Variants in VPS41 observed in about 807,000 individuals in gnomAD.
VPS41 encodes VPS41 subunit of HOPS complex.
Under a neutral mutation model 130.9 loss-of-function variants are expected in VPS41, and 85 were observed. That is an observed-to-expected ratio of 0.65 (90% CI 0.55 to 0.78). The LOEUF (loss-of-function observed/expected upper bound fraction) is 0.78. Ranked by LOEUF, VPS41 falls within the 30% of genes least tolerant of loss-of-function variation. The pLI, the probability that VPS41 is intolerant of heterozygous loss-of-function variation, is 0.00. For synonymous variants in VPS41, 335 were observed against 332.9 expected, an observed-to-expected ratio of 1.01 and a Z score of -0.07; for missense variants, 874 against 1,018.7, an observed-to-expected ratio of 0.86 and a Z score of 1.93.
chr7:38,842,251 T>G (rs1487522389), intron 4 of VPS41, among the ~76,000 whole-genome samples: 1 of 152,136 alleles, frequency 6.6e-6, no homozygotes, highest in Non-Finnish European at 1.5e-5. Context: ...CTTTTCCCAC[T>G]GCTGTAGCAA....
At chr7:38,872,846 T>C (rs1786400991) in intron 2 of VPS41, among the ~76,000 whole-genome samples, 1 of 152,204 alleles carries the variant, frequency 6.6e-6, no homozygotes, top group Non-Finnish European at 1.5e-5. Flanking sequence ...ACAAAGTTAA[T>C]ATTAAATGTA....
At chr7:38,835,562 G>A (rs1022515805) in intron 4 of VPS41, among the ~76,000 whole-genome samples, 5 of 151,606 alleles carry the variant, frequency 3.3e-5, no homozygotes, top group Admixed American at 6.6e-5. Context: ...CTGAGAATGT[G>A]GTTTGTATAA....
intron 25 of VPS41, among the ~76,000 whole-genome samples, chr7:38,729,553 T>G (rs933112287): frequency 1.3e-5 from 2 of 152,216 alleles, no homozygotes; most frequent in Non-Finnish European, 2.9e-5. Flanking sequence ...GCATTATAGC[T>G]TTTGTTTCTT....
chr7:38,859,656 CA>C (rs1348345614), intron 4 of VPS41, among the ~76,000 whole-genome samples: 5 of 152,252 alleles, frequency 3.3e-5, no homozygotes, highest in African/African-American at 1.2e-4. Context: ...TAGGCTGTAC[CA>C]CCTAGGTCTG....
At chr7:38,900,210 T>C (rs1584454139) in intron 1 of VPS41, among the ~76,000 whole-genome samples, 2 of 152,340 alleles carry the variant, frequency 1.3e-5, no homozygotes, top group African/African-American at 2.4e-5. Flanking sequence ...TGAGCTGTGA[T>C]TGCGTCACTG....
At chr7:38,886,071 C>A (rs974235975) in intron 2 of VPS41, among the ~76,000 whole-genome samples, 24 of 152,040 alleles carry the variant, frequency 1.6e-4, no homozygotes, top group African/African-American at 5.6e-4. Flanking sequence ...CGGTCTACAG[C>A]TCCCAGCGAG....
In VPS41 at chr7:38,758,390, C is replaced by G. The variant is rs1783847092; in HGVS notation, c.1514G>C (p.Ser505Thr). ...GGTTTTAAGTAAAGTCTTGTTCTGA[C>G]TATCTTTCTTCAAATGATCCCGAAC... ...QAVRDHLKKDSQNKTLLKTLA... is the reference protein window; with the variant it reads ...QAVRDHLKKDTQNKTLLKTLA... The change falls in exon 18 of 29, where the codon AGT becomes ACT. Residue 505 changes from serine (S) to threonine (T), a missense_variant. Coordinates refer to ENST00000310301, the MANE Select transcript of VPS41 (RefSeq NM_014396.4). The G allele has an allele frequency of 6.2e-7, 1 of 1,613,400 alleles. No homozygotes were observed. The highest frequency in any genetic ancestry group is 8.5e-7 in the Non-Finnish European group (1 of 1,179,674).
In VPS41 at chr7:38,822,180, C is replaced by G. The variant is rs959500391; in HGVS notation, c.322-915G>C. On this transcript the variant is annotated intron_variant, in intron 5 of 28. Transcript: ENST00000310301. ...TTCTGAGTGCTTTACTTAACAACAA[C>G]AAAACAAAAACAAAACTGAAATATA... Among the ~76,000 whole-genome samples, 6 of 110,582 alleles carry G rather than the reference C, an allele frequency of 5.4e-5. No homozygotes were observed. In the South Asian group the frequency reaches 2.4e-3, roughly 44 times the overall value. The allele number at this position is 110,582 out of a possible 152,430, so 72.5% of individuals were successfully genotyped here.
At chr7:38,838,264 G>T (rs922034039) in intron 4 of VPS41, among the ~76,000 whole-genome samples, 1 of 151,956 alleles carries the variant, frequency 6.6e-6, no homozygotes, top group Non-Finnish European at 1.5e-5. Flanking sequence ...AAGAGAGAAA[G>T]GGTACAGGAT....
intron 16 of VPS41, among the ~76,000 whole-genome samples, 168 bp from the exon 17 acceptor site, chr7:38,763,715 A>G (rs952800322): frequency 6.6e-6 from 1 of 152,222 alleles, no homozygotes; most frequent in Non-Finnish European, 1.5e-5. Context: ...ACTTTCTAAC[A>G]ATAAATTATA....
chr7:38,763,403 C>T, intron 17 of VPS41, 52 bp downstream of exon 17: 2 of 1,292,120 alleles, frequency 1.5e-6, no homozygotes, highest in South Asian at 1.4e-5. Context: ...TCTAGATTTC[C>T]TAACACCTCC....
intron 3 of VPS41, 107 bp downstream of exon 3, chr7:38,869,039 C>CA: frequency 1.3e-6 from 1 of 790,494 alleles, no homozygotes; most frequent in South Asian, 1.9e-5. Context: ...GGCAAGGAGA[C>CA]AGAATCACTG....
At chr7:38,829,101 T>C (rs1362114475) in intron 5 of VPS41, among the ~76,000 whole-genome samples, 2 of 152,180 alleles carry the variant, frequency 1.3e-5, no homozygotes, top group Non-Finnish European at 2.9e-5. Context: ...ATAATTCTTC[T>C]CCATTTCTGC....
chr7:38,862,429 T>A (rs538337460), intron 4 of VPS41, 116 bp downstream of exon 4: 3 of 596,192 alleles, frequency 5.0e-6, no homozygotes, highest in East Asian at 6.0e-5. Context: ...AGCACTCTGA[T>A]TGAATTAATA....
At chr7:38,737,691 T>C (rs1397071999) in intron 25 of VPS41, among the ~76,000 whole-genome samples, 1 of 151,322 alleles carries the variant, frequency 6.6e-6, no homozygotes, top group Non-Finnish European at 1.5e-5. Flanking sequence ...AATATGGGGG[T>C]CGATCACCAC....
At chr7:38,854,150 T>G (rs1437600556) in intron 4 of VPS41, among the ~76,000 whole-genome samples, 1 of 152,218 alleles carries the variant, frequency 6.6e-6, no homozygotes, top group East Asian at 1.9e-4. Context: ...GGTTCAAATA[T>G]AGAAAACAAG....
intron 4 of VPS41, among the ~76,000 whole-genome samples, chr7:38,847,141 T>G (rs933671199): frequency 3.3e-5 from 5 of 152,252 alleles, no homozygotes; most frequent in African/African-American, 1.2e-4. Flanking sequence ...CAGTGCTGTC[T>G]GTGGAGCCAG....
At position 38,869,204 on chromosome 7, in the gene VPS41, T is replaced by A; in HGVS notation, c.110A>T (p.Asn37Ile). The A allele has an allele frequency of 1.2e-6, 2 of 1,612,910 alleles. No individual in the cohort carries two copies. Among genetic ancestry groups the A allele is most frequent in the Non-Finnish European group, 1.7e-6 (2 of 1,179,194 alleles). Reference protein sequence around the residue: ...EPKLKYERLSNGVTEILQKDA... With the variant: ...EPKLKYERLSIGVTEILQKDA... ...CTTCTGAAGTATTTCAGTTACCCCA[T>A]TGGAAAGCCTTTCATACTTCAGCTT... The change falls in exon 3 of 29, where the codon AAT becomes ATT. Residue 37 changes from asparagine to isoleucine, a missense_variant. Asn to Ile is a moderately radical substitution (Grantham distance 149, BLOSUM62 -3). Coordinates refer to ENST00000310301, the MANE Select transcript of VPS41 (RefSeq NM_014396.4).
chr7:38,835,585 G>A (rs189499515), intron 4 of VPS41, among the ~76,000 whole-genome samples: 2 of 151,768 alleles, frequency 1.3e-5, no homozygotes, highest in East Asian at 3.9e-4. Flanking sequence ...TCTATTTTTA[G>A]AAATTTAATA....
Sources: allele counts gnomAD v4.1 joint callset (sites outside exome capture counted in the v4.1 genomes callset), GRCh38; gene constraint gnomAD v4.1.1; transcripts MANE v1.5; gene names NCBI Gene and HGNC (gene_info 2026-07-23, HGNC 2026-07-21).